Variants in SHISA9 observed in about 807,000 individuals in gnomAD.
SHISA9 encodes shisa family member 9.
In SHISA9, 13 loss-of-function variants were observed where a neutral mutation model predicts 38.0. That is an observed-to-expected ratio of 0.34 (90% confidence interval 0.22 to 0.54). The LOEUF (loss-of-function observed/expected upper bound fraction) is 0.54, where lower values mean the gene tolerates loss of function less well. Ranked by LOEUF, SHISA9 falls within the 20% of genes least tolerant of loss-of-function variation. SHISA9 has a pLI of 0.91. For missense variants in SHISA9, 538 were observed against 575.8 expected (o/e 0.93, Z 0.67); for synonymous variants, 275 against 242.0 (o/e 1.14, Z -1.27).
the SHISA9 span, among the ~76,000 whole-genome samples, chr16:13,493,842 G>A: frequency 1.3e-5 from 2 of 152,186 alleles, no homozygotes; most frequent in African/African-American, 2.4e-5. Flanking sequence ...GTCTCAAAGG[G>A]TTTGAGTGGA....
At chr16:13,096,384 TAGTGGGGAAGCCA>T (rs1262038996) in intron 2 of SHISA9, among the ~76,000 whole-genome samples, 9 of 151,940 alleles carry the variant, frequency 5.9e-5, no homozygotes, top group Admixed American at 5.9e-4. Flanking sequence ...GCTTATAGAT[TAGTGGGGAAGCCA>T]AGTGGTTAAA....
chr16:13,537,722 A>G, the SHISA9 span, among the ~76,000 whole-genome samples: 2 of 152,222 alleles, frequency 1.3e-5, no homozygotes, highest in African/African-American at 4.8e-5. Context: ...CTATGCATCA[A>G]AAAGGATGCA....
chr16:13,264,936 C>CGG, the SHISA9 span, among the ~76,000 whole-genome samples: 1 of 146,640 alleles, frequency 6.8e-6, no homozygotes, highest in Non-Finnish European at 1.5e-5. Flanking sequence ...TCCCTCGCTC[C>CGG]TCCTTTTCTC....
the SHISA9 span, among the ~76,000 whole-genome samples, chr16:13,252,997 A>G: frequency 6.6e-6 from 1 of 152,184 alleles, no homozygotes; most frequent in Non-Finnish European, 1.5e-5. Flanking sequence ...GCCTCCTCAA[A>G]ATGAAGACGA....
the SHISA9 span, among the ~76,000 whole-genome samples, chr16:13,283,910 G>A: frequency 6.6e-6 from 1 of 151,850 alleles, no homozygotes; most frequent in Non-Finnish European, 1.5e-5. Flanking sequence ...CCTAACTTTT[G>A]TTGTCTTCTA....
Position 12,927,885 on chromosome 16 carries a change from C to G in SHISA9, c.691+11070C>G, listed in dbSNP as rs1482060497. 3.3e-5 allele frequency among the ~76,000 whole-genome samples: 5 copies of G among 152,122 alleles called. No homozygotes were observed. In the South Asian group the frequency reaches 6.2e-4, roughly 19 times the overall value. On this transcript the variant is annotated intron_variant, in intron 2 of 4. Coordinates refer to ENST00000558583, the MANE Select transcript of SHISA9 (RefSeq NM_001145204.3). ...AGGTGGAGGGAGCTTTAGGTACCAT[C>G]TTGCCTTTGGTATACCACACTTCTG...
At chr16:12,905,936 T>G (rs1006569303) in intron 1 of SHISA9, among the ~76,000 whole-genome samples, 4 of 152,232 alleles carry the variant, frequency 2.6e-5, no homozygotes, top group African/African-American at 4.8e-5. Flanking sequence ...TCAACGTATG[T>G]AACTTTTCTG....
chr16:13,335,415 A>G, the SHISA9 span, among the ~76,000 whole-genome samples: 50 of 152,296 alleles, frequency 3.3e-4, no homozygotes, highest in African/African-American at 1.2e-3. Flanking sequence ...TATGCTTTCA[A>G]TATCTATCCC....
intron 4 of SHISA9, among the ~76,000 whole-genome samples, chr16:13,220,184 T>C (rs922278813): frequency 6.6e-6 from 1 of 152,216 alleles, no homozygotes; most frequent in African/African-American, 2.4e-5. Context: ...TGGGAGGTTC[T>C]TCTTATCTCA....
chr16:13,460,992 T>C, the SHISA9 span, among the ~76,000 whole-genome samples: 3 of 152,214 alleles, frequency 2.0e-5, no homozygotes, highest in African/African-American at 7.2e-5. Context: ...ACTTGTGTCT[T>C]TTGCTGTCTC....
the SHISA9 span, among the ~76,000 whole-genome samples, chr16:13,423,339 T>A: frequency 9.8e-4 from 149 of 152,292 alleles, no homozygotes; most frequent in East Asian, 0.016. Context: ...TATTTTTGTT[T>A]TATTACAAAA....
At chr16:13,230,610 G>A (rs1164821698) in intron 4 of SHISA9, among the ~76,000 whole-genome samples, 1 of 152,112 alleles carries the variant, frequency 6.6e-6, no homozygotes, top group African/African-American at 2.4e-5. Context: ...TTTGTTACGG[G>A]AAAGGAGTCC....
intron 4 of SHISA9, among the ~76,000 whole-genome samples, chr16:13,227,649 G>A (rs1022357541): frequency 6.6e-6 from 1 of 152,176 alleles, no homozygotes; most frequent in African/African-American, 2.4e-5. Context: ...AAGTTTCATG[G>A]CACTGGAAAT....
At chr16:13,102,243 T>G (rs2073885688) in intron 2 of SHISA9, among the ~76,000 whole-genome samples, 1 of 152,198 alleles carries the variant, frequency 6.6e-6, no homozygotes, top group Non-Finnish European at 1.5e-5. Context: ...TCAGTTATGA[T>G]TGTGCTACCT....
chr16:13,348,834 A>C, the SHISA9 span, among the ~76,000 whole-genome samples: 1 of 151,944 alleles, frequency 6.6e-6, no homozygotes, highest in Non-Finnish European at 1.5e-5. Context: ...TTTTTACCAA[A>C]AGCTGCCTGT....
intron 2 of SHISA9, among the ~76,000 whole-genome samples, chr16:13,122,616 T>C (rs1044234430): frequency 6.6e-6 from 1 of 152,212 alleles, no homozygotes; most frequent in African/African-American, 2.4e-5. Flanking sequence ...AGCATAATTA[T>C]TGGCTGTTGC....
At position 13,077,755 on chromosome 16, in the gene SHISA9, C is replaced by T. The variant is rs576566090; in HGVS notation, c.692-125639C>T. Among the ~76,000 whole-genome samples the T allele has an allele frequency of 2.0e-5, 3 of 152,006 alleles. No homozygotes were observed. In the South Asian group the frequency reaches 6.2e-4, roughly 32 times the overall value. On this transcript the variant is annotated intron_variant, in intron 2 of 4. Coordinates refer to ENST00000558583, the MANE Select transcript of SHISA9 (RefSeq NM_001145204.3). ...TTCCTTTCCTTTTCCAACAAAAATG[C>T]TCAGAAGGAAGCCCTGAAAGGAAGT...
At chr16:12,986,070 T>C (rs1453968692) in intron 2 of SHISA9, among the ~76,000 whole-genome samples, 1 of 152,160 alleles carries the variant, frequency 6.6e-6, no homozygotes, top group African/African-American at 2.4e-5. Flanking sequence ...CCTTCCTTTC[T>C]ATGTGCTGTG....
At chr16:13,547,127 G>T in the SHISA9 span, among the ~76,000 whole-genome samples, 203 of 152,162 alleles carry the variant, frequency 1.3e-3, no homozygotes, top group South Asian at 4.6e-3. Context: ...TGCATTTATT[G>T]CTTTACTTAA....
Sources: gnomAD v4.1 joint callset for allele counts (sites outside exome capture counted in the v4.1 genomes callset) on GRCh38, gnomAD v4.1.1 for gene constraint, MANE v1.5 for transcripts, NCBI Gene and HGNC (gene_info 2026-07-23, HGNC 2026-07-21) for gene names.